Variants in UBE2E1 observed in about 807,000 individuals in gnomAD.
The protein encoded by UBE2E1 is ubiquitin-conjugating enzyme E2 E1.
UBE2E1 carries 6 observed loss-of-function variants against 21.4 expected under a neutral mutation model. That is an observed-to-expected ratio of 0.28 (90% CI 0.15 to 0.55). The LOEUF is 0.55. Ranked by LOEUF, UBE2E1 falls within the 20% of genes least tolerant of loss-of-function variation. The pLI is 0.93. For synonymous variants in UBE2E1, 87 were observed against 82.7 expected, an observed-to-expected ratio of 1.05 and a Z score of -0.28; for missense variants, 142 against 236.5, an observed-to-expected ratio of 0.60 and a Z score of 2.62.
Position 23,871,921 on chromosome 3 carries a change from C to T in UBE2E1, c.204-15646C>T, listed in dbSNP as rs1700804018. ...GCCAGGCAGAGGGGCTCCTCACGTCCCAGACGATGGGCGGCCAGGCAGAGA... is the reference window on the plus strand; with the variant it reads ...GCCAGGCAGAGGGGCTCCTCACGTCTCAGACGATGGGCGGCCAGGCAGAGA... On this transcript the variant is annotated intron_variant, in intron 3 of 5. Transcript: ENST00000306627. 1.3e-5 allele frequency among the ~76,000 whole-genome samples: 2 copies of T among 150,412 alleles called. 1 individual carries two copies. The highest frequency in any genetic ancestry group is 4.2e-4 in the South Asian group (2 of 4,728).
intron 3 of UBE2E1, among the ~76,000 whole-genome samples, chr3:23,833,436 A>G (rs1422143789): frequency 6.6e-6 from 1 of 152,194 alleles, no homozygotes; most frequent in Non-Finnish European, 1.5e-5. Context: ...ATTTTAGATA[A>G]ATTGTTTTTC....
At chr3:23,840,974 G>C (rs1037635) in intron 3 of UBE2E1, among the ~76,000 whole-genome samples, 21,993 of 152,126 alleles carry the variant, frequency 0.14, 2,414 homozygotes, top group African/African-American at 0.3. Flanking sequence ...TTAAGTGGTA[G>C]GGCAGATTTA....
rs575777765 is a variant in UBE2E1 at position 23,856,076 on chromosome 3, G to C, written c.204-31491G>C. On this transcript the variant is annotated intron_variant, in intron 3 of 5. Coordinates refer to ENST00000306627, the MANE Select transcript of UBE2E1 (RefSeq NM_003341.5). ...AGACAGAGTCTCGCTCTGTAGCCCA[G>C]AGTGCAGTGGCATGATCTCGGCTCA... 1.9e-4 allele frequency among the ~76,000 whole-genome samples: 29 copies of C among 152,244 alleles called. No homozygotes were observed. In the East Asian group the frequency reaches 5.0e-3, roughly 26 times the overall value.
chr3:23,849,933 C>T (rs185557634), intron 3 of UBE2E1, among the ~76,000 whole-genome samples: 6 of 152,240 alleles, frequency 3.9e-5, no homozygotes, highest in Admixed American at 3.9e-4. Flanking sequence ...AATTGCCACA[C>T]TGTCTCCAAC....
At chr3:23,888,294 C>T (rs779401678) in intron 4 of UBE2E1, 2 of 456,974 alleles carry the variant, frequency 4.4e-6, no homozygotes, top group South Asian at 1.5e-5. Context: ...ATCTCCTGTA[C>T]TCAATCTATG....
At chr3:23,840,096 A>G (rs1049277400) in intron 3 of UBE2E1, among the ~76,000 whole-genome samples, 3 of 152,100 alleles carry the variant, frequency 2.0e-5, no homozygotes, top group Non-Finnish European at 4.4e-5. Context: ...ATTTCAGTAT[A>G]TGTTTAATCT....
chr3:23,875,317 T>C (rs1461402328), intron 3 of UBE2E1, among the ~76,000 whole-genome samples: 2 of 152,214 alleles, frequency 1.3e-5, no homozygotes, highest in African/African-American at 4.8e-5. Context: ...TAATTAAATA[T>C]TGGTAACTGT....
chr3:23,873,712 C>T (rs1275852254), intron 3 of UBE2E1, among the ~76,000 whole-genome samples: 3 of 152,188 alleles, frequency 2.0e-5, no homozygotes, highest in Non-Finnish European at 4.4e-5. Flanking sequence ...CACCACTGCA[C>T]TCCAGCCTGG....
At chr3:23,861,636 T>C (rs1700560159) in intron 3 of UBE2E1, among the ~76,000 whole-genome samples, 2 of 152,112 alleles carry the variant, frequency 1.3e-5, no homozygotes, top group East Asian at 1.9e-4. Flanking sequence ...GAGAAACACA[T>C]TGGCGAAGGA....
At chr3:23,858,116 T>G (rs1284897625) in intron 3 of UBE2E1, among the ~76,000 whole-genome samples, 1 of 152,166 alleles carries the variant, frequency 6.6e-6, no homozygotes, top group African/African-American at 2.4e-5. Flanking sequence ...TCAGGCGCTT[T>G]CCCTGCGAAG....
intron 3 of UBE2E1, among the ~76,000 whole-genome samples, chr3:23,826,382 G>A (rs912632170): frequency 2.0e-4 from 30 of 152,248 alleles, no homozygotes; most frequent in African/African-American, 6.3e-4. Context: ...TGTCTTTGTA[G>A]TGTGCTTGCC....
At chr3:23,881,926 G>A (rs1701051914) in intron 3 of UBE2E1, among the ~76,000 whole-genome samples, 3 of 151,962 alleles carry the variant, frequency 2.0e-5, no homozygotes, top group East Asian at 1.9e-4. Flanking sequence ...AAGGCAGCAC[G>A]TCTGGAGCTG....
rs1295283437 is a variant in UBE2E1 at position 23,810,545 on chromosome 3, C to T, written c.153-915C>T. On this transcript the variant is annotated intron_variant, in intron 2 of 5. Transcript: ENST00000306627. The surrounding 1 kb of genome is among the most constrained non-coding windows in gnomAD (Gnocchi z 5.8). ...GAAAAGCAGGTCCGGGGAGGTGGGC[C>T]GAGAGTCCCGGCCAGCGTGCGGGGC... is the stretch of plus-strand genomic sequence containing the variant. 9.1e-6 allele frequency: 14 copies of T among 1,531,962 alleles called. No homozygotes were observed. Among genetic ancestry groups the T allele is most frequent in the Admixed American group, 2.0e-5 (1 of 50,704 alleles). The allele number at this position is 1,531,962 out of a possible 1,614,324, so 94.9% of individuals were successfully genotyped here.
At chr3:23,828,128 T>A (rs1445627451) in intron 3 of UBE2E1, among the ~76,000 whole-genome samples, 1 of 152,184 alleles carries the variant, frequency 6.6e-6, no homozygotes, top group Non-Finnish European at 1.5e-5. Flanking sequence ...GACCGAGTTT[T>A]TAAAAAATAT....
intron 3 of UBE2E1, among the ~76,000 whole-genome samples, chr3:23,829,184 AG>A (rs1699815932): frequency 6.9e-6 from 1 of 144,906 alleles, no homozygotes; most frequent in Non-Finnish European, 1.5e-5. Context: ...AAAAAAAGAG[AG>A]GGCCTCGCTT....
intron 3 of UBE2E1, among the ~76,000 whole-genome samples, chr3:23,867,120 T>C (rs1463336737): frequency 6.6e-6 from 1 of 152,138 alleles, no homozygotes; most frequent in Non-Finnish European, 1.5e-5. Flanking sequence ...TATTTTGTAT[T>C]ACTTTCTTCT....
At chr3:23,844,320 A>G (rs1460837448) in intron 3 of UBE2E1, among the ~76,000 whole-genome samples, 1 of 152,096 alleles carries the variant, frequency 6.6e-6, no homozygotes, top group Non-Finnish European at 1.5e-5. Context: ...TAGTGTTTGT[A>G]TTTTTAACTT....
At chr3:23,864,256 T>C (rs1027419813) in intron 3 of UBE2E1, among the ~76,000 whole-genome samples, 1 of 152,180 alleles carries the variant, frequency 6.6e-6, no homozygotes, top group Non-Finnish European at 1.5e-5. Context: ...CACATTACTT[T>C]TTTTTTTCTC....
chr3:23,844,013 T>C (rs1700145350), intron 3 of UBE2E1, among the ~76,000 whole-genome samples: 1 of 152,234 alleles, frequency 6.6e-6, no homozygotes, highest in African/African-American at 2.4e-5. Flanking sequence ...GTGTAATTTT[T>C]TATGCTCTTA....
Sources: gnomAD v4.1 joint callset for allele counts (sites outside exome capture counted in the v4.1 genomes callset) on GRCh38, gnomAD v4.1.1 for gene constraint, Gnocchi (gnomAD v3.1) non-coding constraint, MANE v1.5 for transcripts, NCBI Gene and HGNC (gene_info 2026-07-23, HGNC 2026-07-21) for gene names.